Variants in RBFOX2 observed in about 807,000 individuals in gnomAD.
The protein encoded by RBFOX2 is RNA binding fox-1 homolog 2.
In RBFOX2, 10 loss-of-function variants were observed where a neutral mutation model predicts 49.1. The observed-to-expected ratio is 0.20, with a 90% confidence interval of 0.13 to 0.35. The LOEUF is 0.35. Ranked by LOEUF, RBFOX2 falls within the 10% of genes least tolerant of loss-of-function variation. The pLI, the probability that RBFOX2 is intolerant of heterozygous loss-of-function variation, is 1.00. For synonymous variants in RBFOX2, 183 were observed against 187.4 expected (o/e 0.98, Z 0.19); for missense variants, 323 against 486.9 (o/e 0.66, Z 3.17).
In RBFOX2 at chr22:35,985,212, A is replaced by G. The variant is rs537081129; in HGVS notation, c.186+43028T>C. Among the ~76,000 whole-genome samples, 17 of 152,320 alleles carry G rather than the reference A, an allele frequency of 1.1e-4. No homozygotes were observed. In the South Asian group the frequency reaches 3.5e-3, roughly 32 times the overall value. On this transcript the variant is annotated intron_variant, in intron 1 of 13. Coordinates refer to the RBFOX2 transcript ENST00000438146. ...TGAATATTTTGAATGAACAACAAAA[A>G]AAGAGTAAGAAAGGCAAAAGTAAAA...
intron 2 of RBFOX2, among the ~76,000 whole-genome samples, chr22:35,799,526 C>A (rs1949383259): frequency 6.6e-6 from 1 of 152,148 alleles, no homozygotes; most frequent in African/African-American, 2.4e-5. Context: ...AAGTTCTTTT[C>A]TTTTTGTTCT....
chr22:35,931,424 G>A (rs1228681417), intron 1 of RBFOX2, among the ~76,000 whole-genome samples: 2 of 152,158 alleles, frequency 1.3e-5, no homozygotes, highest in Non-Finnish European at 2.9e-5. Context: ...TCCAGCTGGG[G>A]GGCCTTAGAG....
At chr22:35,858,479 A>G (rs2042749762) in intron 1 of RBFOX2, among the ~76,000 whole-genome samples, 1 of 152,160 alleles carries the variant, frequency 6.6e-6, no homozygotes, top group Non-Finnish European at 1.5e-5. Flanking sequence ...TATTGATTAG[A>G]TGAATTCTCT....
At chr22:35,853,798 T>C (rs1357726507) in intron 1 of RBFOX2, among the ~76,000 whole-genome samples, 3 of 152,020 alleles carry the variant, frequency 2.0e-5, no homozygotes, top group African/African-American at 7.2e-5. Flanking sequence ...CAATCGTTCA[T>C]ACACATTTAA....
intron 2 of RBFOX2, among the ~76,000 whole-genome samples, chr22:35,790,322 G>C (rs913801439): frequency 1.3e-5 from 2 of 152,176 alleles, no homozygotes; most frequent in East Asian, 3.8e-4. Flanking sequence ...AACACAAAAG[G>C]TTAAGGGAGA....
chr22:35,964,044 C>A (rs2056417500), upstream of RBFOX2, among the ~76,000 whole-genome samples: 1 of 152,170 alleles, frequency 6.6e-6, no homozygotes, highest in African/African-American at 2.4e-5. Flanking sequence ...CTATGCCCTG[C>A]CTAGTATACA....
chr22:35,887,321 A>G (rs1180590943), intron 1 of RBFOX2, among the ~76,000 whole-genome samples: 3 of 152,062 alleles, frequency 2.0e-5, no homozygotes, highest in African/African-American at 7.2e-5. Flanking sequence ...AACAACTACA[A>G]TGGTAACTGT....
At chr22:36,013,805 AACAG>A (rs1245955360) in intron 1 of RBFOX2, among the ~76,000 whole-genome samples, 1 of 152,198 alleles carries the variant, frequency 6.6e-6, no homozygotes, top group Non-Finnish European at 1.5e-5. Flanking sequence ...GAGGGGGGAT[AACAG>A]ACAAATTAGT....
At chr22:35,790,877 G>A (rs922688529) in intron 2 of RBFOX2, among the ~76,000 whole-genome samples, 5 of 152,036 alleles carry the variant, frequency 3.3e-5, no homozygotes, top group Non-Finnish European at 5.9e-5. Context: ...GAATGATGGC[G>A]TAAGCCTGTA....
intron 1 of RBFOX2, among the ~76,000 whole-genome samples, chr22:35,833,640 T>C (rs2148710645): frequency 6.6e-6 from 1 of 152,342 alleles, no homozygotes; most frequent in East Asian, 1.9e-4. Flanking sequence ...TTTGTAAATG[T>C]GCTATGTATG....
At chr22:35,954,501 G>A (rs145581216) in intron 1 of RBFOX2, among the ~76,000 whole-genome samples, 3 of 152,242 alleles carry the variant, frequency 2.0e-5, no homozygotes, top group Admixed American at 2.0e-4. Flanking sequence ...TCTCTTGGCT[G>A]GTCCAGCTAA....
chr22:35,970,553 T>C (rs2056814026), intron 1 of RBFOX2, among the ~76,000 whole-genome samples: 1 of 151,772 alleles, frequency 6.6e-6, no homozygotes. Flanking sequence ...CCCAGCTACT[T>C]TGGAGACTGA....
At chr22:35,890,791 T>TTAAAA (rs2047144887) in intron 1 of RBFOX2, among the ~76,000 whole-genome samples, 1 of 151,962 alleles carries the variant, frequency 6.6e-6, no homozygotes, top group African/African-American at 2.4e-5. Context: ...AATAGACAGT[T>TTAAAA]TAAAATAAAA....
intron 1 of RBFOX2, among the ~76,000 whole-genome samples, chr22:35,923,091 C>G (rs995737623): frequency 6.6e-6 from 1 of 152,194 alleles, no homozygotes; most frequent in Non-Finnish European, 1.5e-5. Context: ...TCCACAGAAG[C>G]TGAAGGTACT....
At chr22:35,810,373 A>C (rs1014678204) in intron 1 of RBFOX2, among the ~76,000 whole-genome samples, 2 of 152,184 alleles carry the variant, frequency 1.3e-5, no homozygotes, top group East Asian at 1.9e-4. Context: ...TACCACAGAG[A>C]GAGACTCTGT....
At chr22:35,907,680 C>T (rs775513765) in intron 1 of RBFOX2, among the ~76,000 whole-genome samples, 6 of 152,004 alleles carry the variant, frequency 3.9e-5, no homozygotes. Context: ...CAGAGTGTCG[C>T]TCCGTCGCGC....
chr22:36,026,947 T>C (rs2059461810), intron 1 of RBFOX2, among the ~76,000 whole-genome samples: 1 of 152,142 alleles, frequency 6.6e-6, no homozygotes, highest in Non-Finnish European at 1.5e-5. Context: ...CTTTTAGCAC[T>C]GCAGAGATTT....
chr22:35,746,565 C>A lies in RBFOX2; in HGVS notation c.888-4G>T, dbSNP rs1446160942. The stretch of plus-strand genomic sequence containing the variant: ...ATCTGTAGGCTGCATATCCACCCTA[C>A]AGGAGAGAAGAGAACTGACTTTACA... On this transcript the variant is annotated splice_polypyrimidine_tract_variant and splice_region_variant and intron_variant, in intron 9 of 11. Coordinates refer to ENST00000405409, the Ensembl canonical transcript of RBFOX2. 6.4e-7 allele frequency: 1 copy of A among 1,568,440 alleles called. No individual in the cohort carries two copies.
chr22:35,778,871 A>G (rs938537852), intron 3 of RBFOX2, among the ~76,000 whole-genome samples: 1 of 152,156 alleles, frequency 6.6e-6, no homozygotes, highest in Admixed American at 6.5e-5. Flanking sequence ...TCCTGACTTC[A>G]TGTGATCTGC....
Sources: allele counts gnomAD v4.1 joint callset (sites outside exome capture counted in the v4.1 genomes callset), GRCh38; gene constraint gnomAD v4.1.1; transcripts MANE v1.5; gene names NCBI Gene and HGNC (gene_info 2026-07-23, HGNC 2026-07-21).